The following MIPOL1 variants were observed in gnomAD, a reference collection of about 807,000 sequenced individuals.
The protein encoded by MIPOL1 is mirror-image polydactyly gene 1 protein.
MIPOL1 carries 57 observed loss-of-function variants against 60.9 expected under a neutral mutation model. The ratio of observed to expected loss-of-function variants is 0.94; its 90% CI spans 0.76 to 1.17. MIPOL1 has a LOEUF of 1.17. Among genes scored for constraint, MIPOL1 ranks in the 50% most tolerant of loss-of-function variants. MIPOL1 has a pLI of 0.00. For missense variants in MIPOL1, 551 were observed against 511.6 expected (o/e 1.08, Z -0.74); for synonymous variants, 179 against 168.8 (o/e 1.06, Z -0.47).
At chr14:37,353,403 G>C (rs1331571702) in intron 9 of MIPOL1, among the ~76,000 whole-genome samples, 1 of 145,254 alleles carries the variant, frequency 6.9e-6, no homozygotes, top group Non-Finnish European at 1.5e-5. Context: ...TTTGGTATCA[G>C]AATGATGCTG....
At chr14:37,285,589 T>C (rs937667887) in intron 7 of MIPOL1, 142 bp downstream of exon 7, 34 of 874,224 alleles carry the variant, frequency 3.9e-5, no homozygotes, top group Non-Finnish European at 5.2e-5. Context: ...TTTTCTTTTT[T>C]TCTTTTCTTT....
At chr14:37,376,283 AG>A (rs1299787676) in intron 10 of MIPOL1, among the ~76,000 whole-genome samples, 1 of 152,182 alleles carries the variant, frequency 6.6e-6, no homozygotes, top group Non-Finnish European at 1.5e-5. Context: ...TAGTCATTAT[AG>A]TATCATGCAG....
At chr14:37,212,807 T>C (rs780133147) in intron 1 of MIPOL1, among the ~76,000 whole-genome samples, 73 of 152,156 alleles carry the variant, frequency 4.8e-4, no homozygotes, top group Non-Finnish European at 1.0e-3. Context: ...TACATAGTCA[T>C]AGTGGTGGTG....
chr14:37,220,836 C>T (rs1968619810), intron 1 of MIPOL1, among the ~76,000 whole-genome samples: 1 of 152,080 alleles, frequency 6.6e-6, no homozygotes, highest in Admixed American at 6.5e-5. Context: ...AGTGCAGTGG[C>T]ATGATCATAG....
chr14:37,425,858 A>G (rs2153554540), intron 11 of MIPOL1, among the ~76,000 whole-genome samples: 1 of 152,304 alleles, frequency 6.6e-6, no homozygotes, highest in African/African-American at 2.4e-5. Context: ...TTCGGTGGCC[A>G]TTAGTGACTT....
rs190218260 is a variant in MIPOL1, at chr14:37,513,429, C to A, written c.1262+13291C>A. Among the ~76,000 whole-genome samples, 831 of 152,064 alleles carry A rather than the reference C, an allele frequency of 5.5e-3. 9 individuals are homozygous for A. The highest frequency in any genetic ancestry group is 0.02 in the African/African-American group (810 of 41,482). The stretch of plus-strand genomic sequence containing the variant: ...AATTATATTCATTTATTTATAAAAA[C>A]TAAAGAATTTGGGCTTATATCTTAA... On this transcript the variant is annotated intron_variant, in intron 12 of 12. Coordinates refer to ENST00000684589, the MANE Select transcript of MIPOL1 (RefSeq NM_001388067.1).
chr14:37,530,233 T>A (rs1449109098), intron 12 of MIPOL1, among the ~76,000 whole-genome samples: 1 of 152,084 alleles, frequency 6.6e-6, no homozygotes, highest in Non-Finnish European at 1.5e-5. Context: ...GCATAAGAGA[T>A]AGGAAAAACA....
intron 6 of MIPOL1, among the ~76,000 whole-genome samples, chr14:37,280,450 T>C (rs1726975955): frequency 6.6e-6 from 1 of 152,210 alleles, no homozygotes; most frequent in Non-Finnish European, 1.5e-5. Flanking sequence ...TGTGTAATGG[T>C]TTGCTTTTCT....
chr14:37,394,056 G>GTATATATATATATATATA (rs1566510779), intron 10 of MIPOL1, among the ~76,000 whole-genome samples: 3 of 19,300 alleles, frequency 1.6e-4, no homozygotes, highest in African/African-American at 4.8e-4. Flanking sequence ...CTTAGTAGTG[G>GTATATATATATATATATA]CATATATATA....
intron 10 of MIPOL1, among the ~76,000 whole-genome samples, chr14:37,391,451 C>T (rs6571810): frequency 4.0e-5 from 6 of 151,306 alleles, no homozygotes; most frequent in African/African-American, 1.5e-4. Context: ...GCTGGAGTGC[C>T]GTGGCGTGAT....
intron 7 of MIPOL1, among the ~76,000 whole-genome samples, chr14:37,304,765 T>C (rs2086643028): frequency 6.6e-6 from 1 of 151,828 alleles, no homozygotes; most frequent in African/African-American, 2.4e-5. Context: ...TGCAAGGATG[T>C]CAGTCAGAAT....
intron 10 of MIPOL1, among the ~76,000 whole-genome samples, chr14:37,376,790 A>C (rs1324555842): frequency 6.6e-6 from 1 of 152,102 alleles, no homozygotes; most frequent in African/African-American, 2.4e-5. Context: ...AGCTCATTTG[A>C]GTATGTACTA....
intron 6 of MIPOL1, among the ~76,000 whole-genome samples, chr14:37,276,114 T>A (rs765110975): frequency 1.3e-5 from 2 of 151,174 alleles, no homozygotes; most frequent in Non-Finnish European, 3.0e-5. Flanking sequence ...TTTCTCTCTC[T>A]CTATTATCTA....
In MIPOL1 at chr14:37,550,938, A is replaced by G. The variant is rs929073313; in HGVS notation, c.*3967A>G. ...AGAAAACTTTTCTTTTTTATTATAT[A>G]TTTTAGTGTAAGTTAAGTTAAACTT... is the stretch of plus-strand genomic sequence containing the variant. On this transcript the variant is annotated 3_prime_UTR_variant, in exon 13 of 13. Transcript: ENST00000684589. The G allele has an allele frequency of 2.0e-5, 3 of 152,122 alleles. No individual in the cohort carries two copies. The highest frequency in any genetic ancestry group is 6.5e-5 in the Admixed American group (1 of 15,274). 9.4% of individuals were successfully genotyped at this position (152,122 alleles called of 1,614,324 possible). A position where few individuals can be genotyped will look rare whatever the true frequency, so the allele number is the denominator to read the frequency against.
intron 12 of MIPOL1, among the ~76,000 whole-genome samples, chr14:37,535,524 A>G (rs970803426): frequency 6.6e-5 from 10 of 152,210 alleles, no homozygotes; most frequent in Admixed American, 3.3e-4. Context: ...CTGTTTTCCT[A>G]TGTAACACAC....
At chr14:37,344,783 A>G (rs1447991523) in intron 9 of MIPOL1, among the ~76,000 whole-genome samples, 3 of 152,124 alleles carry the variant, frequency 2.0e-5, no homozygotes, top group African/African-American at 7.2e-5. Flanking sequence ...TAATCCCAGC[A>G]CTTAGGGACG....
At chr14:37,479,428 A>G (rs951127572) in intron 11 of MIPOL1, among the ~76,000 whole-genome samples, 3 of 152,154 alleles carry the variant, frequency 2.0e-5, no homozygotes, top group Non-Finnish European at 4.4e-5. Context: ...GGCAATTAAC[A>G]TGCTCCTGAA....
At chr14:37,505,502 A>T (rs1166457736) in intron 12 of MIPOL1, 1 of 152,202 alleles carries the variant, frequency 6.6e-6, no homozygotes, top group Non-Finnish European at 1.5e-5. Context: ...AATGACAAAA[A>T]CCACATGATT....
intron 10 of MIPOL1, among the ~76,000 whole-genome samples, chr14:37,395,463 A>G (rs2093353586): frequency 6.6e-6 from 1 of 151,070 alleles, no homozygotes; most frequent in Admixed American, 6.6e-5. Context: ...GAGGTCTTTC[A>G]CCTCCTTGGT....
Sources: allele counts gnomAD v4.1 joint callset (sites outside exome capture counted in the v4.1 genomes callset), GRCh38; gene constraint gnomAD v4.1.1; transcripts MANE v1.5; gene names NCBI Gene and HGNC (gene_info 2026-07-23, HGNC 2026-07-21).